Variants in FGF14 observed in about 807,000 individuals in gnomAD.
FGF14 encodes the protein fibroblast growth factor 14.
FGF14 carries 5 observed loss-of-function variants against 25.5 expected under a neutral mutation model. The observed-to-expected ratio is 0.20, with a 90% confidence interval of 0.10 to 0.41. The LOEUF (loss-of-function observed/expected upper bound fraction) is 0.41, where lower values mean the gene tolerates loss of function less well. Among genes scored for constraint, FGF14 ranks in the 10% least tolerant of loss-of-function variants. The pLI is 1.00. For missense variants in FGF14, 222 were observed against 320.1 expected, an observed-to-expected ratio of 0.69 and a Z score of 2.34; for synonymous variants, 138 against 118.3, an observed-to-expected ratio of 1.17 and a Z score of -1.08.
At chr13:101,854,498 T>C (rs1441096949) in intron 3 of FGF14, among the ~76,000 whole-genome samples, 1 of 152,104 alleles carries the variant, frequency 6.6e-6, no homozygotes, top group Non-Finnish European at 1.5e-5. Flanking sequence ...ATGGACATGG[T>C]GATGTTTGCT....
At chr13:102,050,752 A>G (rs2042182601) in intron 1 of FGF14, among the ~76,000 whole-genome samples, 1 of 152,184 alleles carries the variant, frequency 6.6e-6, no homozygotes, top group Non-Finnish European at 1.5e-5. Flanking sequence ...GGCTCATGAA[A>G]AAATTGGCAG....
chr13:102,359,161 C>T lies in FGF14; in HGVS notation c.208+42310G>A, dbSNP rs150792283. On this transcript the variant is annotated intron_variant, in intron 1 of 4. Transcript: ENST00000376131. Reference sequence around the variant, plus strand: ...GGGAAGGGAACAACACACATTGGGACCTGTCAGTGGGGGTGGGGGGAAGGA... The same window carrying T: ...GGGAAGGGAACAACACACATTGGGATCTGTCAGTGGGGGTGGGGGGAAGGA... Among the ~76,000 whole-genome samples the T allele has an allele frequency of 2.3e-3, 348 of 151,784 alleles. 1 individual carries two copies. The highest frequency in any genetic ancestry group is 8.0e-3 in the African/African-American group (332 of 41,358).
intron 3 of FGF14, among the ~76,000 whole-genome samples, chr13:101,774,700 G>A (rs1434419877): frequency 6.6e-6 from 1 of 152,106 alleles, no homozygotes; most frequent in Non-Finnish European, 1.5e-5. Context: ...ATATTCAGCT[G>A]AATATAAGCT....
chr13:101,733,566 G>A lies in FGF14; in HGVS notation c.409-6756C>T, dbSNP rs557496077. ...GCGGAGATTGTGCCACTGCACTCCA[G>A]CCTGGCGACAGAACAAGACTCCATC... On this transcript the variant is annotated intron_variant, in intron 3 of 4. Coordinates refer to ENST00000376143, the MANE Select transcript of FGF14 (RefSeq NM_004115.4). 2.3e-4 allele frequency among the ~76,000 whole-genome samples: 32 copies of A among 138,138 alleles called. No homozygotes were observed. In the South Asian group the frequency reaches 7.0e-3, roughly 30 times the overall value. 90.6% of individuals were successfully genotyped at this position (138,138 alleles called of 152,430 possible). A position where few individuals can be genotyped will look rare whatever the true frequency, so the allele number is the denominator to read the frequency against.
At chr13:101,743,562 A>G (rs1209764889) in intron 3 of FGF14, among the ~76,000 whole-genome samples, 1 of 152,208 alleles carries the variant, frequency 6.6e-6, no homozygotes, top group African/African-American at 2.4e-5. Flanking sequence ...TTCTTTGAAG[A>G]ACTGATAAAG....
At chr13:101,766,131 C>T (rs1391709466) in intron 3 of FGF14, among the ~76,000 whole-genome samples, 2 of 152,174 alleles carry the variant, frequency 1.3e-5, no homozygotes, top group Non-Finnish European at 2.9e-5. Flanking sequence ...TCCTCATCTA[C>T]AATTTTATAA....
chr13:101,725,689 G>A (rs1350635585), intron 4 of FGF14, among the ~76,000 whole-genome samples: 1 of 151,932 alleles, frequency 6.6e-6, no homozygotes, highest in African/African-American at 2.4e-5. Context: ...AACACAAAAA[G>A]AAAATTGAGC....
At chr13:101,871,491 C>T (rs1017662643) in intron 2 of FGF14, among the ~76,000 whole-genome samples, 4 of 151,976 alleles carry the variant, frequency 2.6e-5, no homozygotes, top group African/African-American at 7.2e-5. Flanking sequence ...ACTGAGTGAT[C>T]GAAATATTTT....
rs1159330973 is a variant in FGF14, at chr13:101,722,470, G to A, written c.*361C>T. 1.2e-5 allele frequency: 4 copies of A among 333,918 alleles called. No individual in the cohort carries two copies. Among genetic ancestry groups the A allele is most frequent in the African/African-American group, 2.1e-5 (1 of 46,892 alleles). The allele number at this position is 333,918 out of a possible 1,614,324, so 20.7% of individuals were successfully genotyped here. On this transcript the variant is annotated 3_prime_UTR_variant, in exon 5 of 5. Coordinates refer to ENST00000376143, the MANE Select transcript of FGF14 (RefSeq NM_004115.4). ...AATTGAACTTAAACACATAGATTTCGCTGAAACAGGACTCAAAAAGGATTA... is the reference window on the plus strand; with the variant it reads ...AATTGAACTTAAACACATAGATTTCACTGAAACAGGACTCAAAAAGGATTA...
chr13:102,125,976 T>G (rs1056120316), intron 1 of FGF14, among the ~76,000 whole-genome samples: 2 of 152,152 alleles, frequency 1.3e-5, no homozygotes, highest in African/African-American at 2.4e-5. Flanking sequence ...ATTATTTACT[T>G]CTCACCCAAA....
chr13:102,230,948 A>G (rs1194615274), intron 1 of FGF14, among the ~76,000 whole-genome samples: 1 of 152,206 alleles, frequency 6.6e-6, no homozygotes, highest in African/African-American at 2.4e-5. Flanking sequence ...GAAACGATTT[A>G]AAGAGTTAAA....
chr13:102,102,942 T>C (rs1276523440), intron 1 of FGF14, among the ~76,000 whole-genome samples: 1 of 152,186 alleles, frequency 6.6e-6, no homozygotes, highest in Non-Finnish European at 1.5e-5. Flanking sequence ...CTCGTTCTAG[T>C]ACACGGCCAG....
Position 102,379,527 on chromosome 13 carries a change from T to C in FGF14, c.208+21944A>G, listed in dbSNP as rs530521472. On this transcript the variant is annotated intron_variant, in intron 1 of 4. Coordinates refer to the FGF14 transcript ENST00000376131. ...TTTCAGTTTAAAGTATATATATATA[T>C]ACATACACACAAACACACATATACA... 2.1e-3 allele frequency among the ~76,000 whole-genome samples: 325 copies of C among 151,856 alleles called. 1 individual carries two copies. The highest frequency in any genetic ancestry group is 7.7e-3 in the African/African-American group (318 of 41,468).
At chr13:101,997,337 A>G (rs1311238983) in intron 1 of FGF14, among the ~76,000 whole-genome samples, 1 of 152,224 alleles carries the variant, frequency 6.6e-6, no homozygotes, top group Non-Finnish European at 1.5e-5. Flanking sequence ...GAGCTCTCAG[A>G]TATCCCAGTT....
chr13:101,817,105 T>A (rs969271477), intron 3 of FGF14, among the ~76,000 whole-genome samples: 6 of 152,348 alleles, frequency 3.9e-5, no homozygotes, highest in African/African-American at 1.4e-4. Flanking sequence ...TGGATTGTTC[T>A]GAGAACTTAA....
At chr13:101,796,438 A>G (rs911483145) in intron 3 of FGF14, among the ~76,000 whole-genome samples, 16 of 151,962 alleles carry the variant, frequency 1.1e-4, no homozygotes, top group African/African-American at 3.6e-4. Flanking sequence ...TTATGCCCCC[A>G]TATTTTGTTT....
chr13:102,353,555 G>A (rs944266460), intron 1 of FGF14, among the ~76,000 whole-genome samples: 4 of 152,088 alleles, frequency 2.6e-5, no homozygotes, highest in East Asian at 1.9e-4. Flanking sequence ...GTACAATCAC[G>A]CTGTAATTCA....
At position 101,916,481 on chromosome 13, in the gene FGF14, G is replaced by A. The variant is rs144191647; in HGVS notation, c.165C>T (p.Gly55=). The part of the protein sequence containing the change: ...VDIFSKVRIF[G]LKKRRLRRQD... ...GGCGCCGCAACCTGCGCTTCTTGAG[G>A]CCGAAGATGCGCACTTTGGAGAAGA... Residue 55 remains glycine (G), a synonymous_variant, in exon 1 of 5, where the codon GGC becomes GGT. Coordinates refer to ENST00000376143, the MANE Select transcript of FGF14 (RefSeq NM_004115.4). The A allele has an allele frequency of 1.2e-4, 191 of 1,613,860 alleles. No individual in the cohort carries two copies. Among genetic ancestry groups the A allele is most frequent in the Non-Finnish European group, 1.5e-4 (177 of 1,179,944 alleles).
intron 3 of FGF14, among the ~76,000 whole-genome samples, chr13:101,769,538 A>G (rs1311815788): frequency 6.6e-6 from 1 of 152,156 alleles, no homozygotes. Flanking sequence ...TAATTTGCCA[A>G]AACTTGAAAG....
Sources: allele counts gnomAD v4.1 joint callset (sites outside exome capture counted in the v4.1 genomes callset), GRCh38; gene constraint gnomAD v4.1.1; transcripts MANE v1.5; gene names NCBI Gene and HGNC (gene_info 2026-07-23, HGNC 2026-07-21).